The following ENKUR variants were observed in gnomAD, a reference collection of about 807,000 sequenced individuals.
ENKUR encodes the protein enkurin.
Under a neutral mutation model 27.6 loss-of-function variants are expected in ENKUR, and 19 were observed. That is an observed-to-expected ratio of 0.69 (90% CI 0.48 to 1.01). The LOEUF is 1.01. Among genes scored for constraint, ENKUR ranks in the 50% least tolerant of loss-of-function variants. The pLI is 0.00. For missense variants in ENKUR, 312 were observed against 310.5 expected, an observed-to-expected ratio of 1.00 and a Z score of -0.04; for synonymous variants, 117 against 96.9, an observed-to-expected ratio of 1.21 and a Z score of -1.22.
At chr10:25,023,478 T>C in intron 2 of ENKUR, 1 of 1,614,132 alleles carries the variant, frequency 6.2e-7, no homozygotes, top group South Asian at 1.1e-5. Flanking sequence ...GTGTCATAGA[T>C]GTGGATGATG....
At chr10:24,992,833 G>A (rs1284249460) in intron 3 of ENKUR, among the ~76,000 whole-genome samples, 2 of 151,402 alleles carry the variant, frequency 1.3e-5, no homozygotes, top group Admixed American at 6.6e-5. Context: ...AATAGACTCT[G>A]GGAGGCCAGT....
rs1849728016 is a variant in ENKUR, at chr10:24,984,193, C to T, written c.*177G>A. The T allele has an allele frequency of 1.6e-6, 1 of 623,326 alleles. No individual in the cohort carries two copies. Among genetic ancestry groups the T allele is most frequent in the South Asian group, 3.6e-5 (1 of 27,756 alleles). The allele number at this position is 623,326 out of a possible 1,614,324, so 38.6% of individuals were successfully genotyped here. On this transcript the variant is annotated 3_prime_UTR_variant, in exon 6 of 6. Coordinates refer to ENST00000331161, the MANE Select transcript of ENKUR (RefSeq NM_145010.4). Reference sequence around the variant, plus strand: ...TTCATCATATACAGTGTTACGAATACTGAAAATATTTCTCACTGGGAATAA... The same window carrying T: ...TTCATCATATACAGTGTTACGAATATTGAAAATATTTCTCACTGGGAATAA...
At chr10:25,054,594 T>G (rs1246960829) in intron 2 of ENKUR, among the ~76,000 whole-genome samples, 1 of 151,468 alleles carries the variant, frequency 6.6e-6, no homozygotes, top group Non-Finnish European at 1.5e-5. Context: ...CTTCCTTTCT[T>G]TCTTCTTTTT....
upstream of ENKUR, among the ~76,000 whole-genome samples, chr10:25,019,262 C>G (rs1300922509): frequency 6.6e-6 from 1 of 152,134 alleles, no homozygotes; most frequent in Non-Finnish European, 1.5e-5. Flanking sequence ...CTGCTTGAGC[C>G]CAGGAGTTGG....
At chr10:25,027,554 A>G (rs1230222187) in intron 2 of ENKUR, among the ~76,000 whole-genome samples, 2 of 147,634 alleles carry the variant, frequency 1.4e-5, no homozygotes, top group East Asian at 2.1e-4. Flanking sequence ...AAAAAAAAAA[A>G]GCATTATTTT....
At chr10:25,024,727 G>T in intron 2 of ENKUR, 1 of 1,614,198 alleles carries the variant, frequency 6.2e-7, no homozygotes, top group Non-Finnish European at 8.5e-7. Context: ...TGGAAGCCCA[G>T]TCGATGTCTG....
At chr10:25,003,100 CTA>C (rs1412896747) in intron 1 of ENKUR, among the ~76,000 whole-genome samples, 7 of 151,974 alleles carry the variant, frequency 4.6e-5, no homozygotes, top group Non-Finnish European at 1.0e-4. Context: ...AAATTAAAAT[CTA>C]TGTCTCCTCC....
chr10:25,026,385 C>CT (rs1850852605), intron 2 of ENKUR: 3 of 166,940 alleles, frequency 1.8e-5, no homozygotes, highest in South Asian at 4.1e-4. Flanking sequence ...CAGAAATGAT[C>CT]TATTTCAAGA....
intron 2 of ENKUR, among the ~76,000 whole-genome samples, chr10:25,038,229 T>G (rs927913427): frequency 7.9e-5 from 12 of 152,234 alleles, no homozygotes; most frequent in Non-Finnish European, 1.8e-4. Flanking sequence ...TTGACTCTTT[T>G]GGTAATCAAG....
At chr10:25,001,299 C>A (rs1385200165) in intron 1 of ENKUR, among the ~76,000 whole-genome samples, 1 of 149,408 alleles carries the variant, frequency 6.7e-6, no homozygotes, top group Non-Finnish European at 1.5e-5. Flanking sequence ...CTTTTTTTTC[C>A]TCTGGCTGTT....
intron 3 of ENKUR, among the ~76,000 whole-genome samples, 179 bp from the exon 4 acceptor site, chr10:24,990,788 G>A (rs955242338): frequency 6.6e-6 from 1 of 152,140 alleles, no homozygotes; most frequent in Non-Finnish European, 1.5e-5. Context: ...GTAGATTCCT[G>A]CCTTTTAAAA....
upstream of ENKUR, among the ~76,000 whole-genome samples, chr10:25,020,139 T>G (rs187623378): frequency 5.8e-4 from 89 of 152,170 alleles, 1 homozygote; most frequent in Middle Eastern, 6.8e-3. Context: ...TAATATATAT[T>G]ATAGCACTTA....
In ENKUR at chr10:25,054,529, TC is replaced by T. The variant is rs781030244; in HGVS notation, c.37+6582del. 5.7e-3 allele frequency among the ~76,000 whole-genome samples: 828 copies of T among 144,056 alleles called. 7 individuals carry two copies. Among genetic ancestry groups the T allele is most frequent in the African/African-American group, 0.02 (769 of 37,916 alleles). The allele number at this position is 144,056 out of a possible 152,430, so 94.5% of individuals were successfully genotyped here. On this transcript the variant is annotated intron_variant, in intron 2 of 5. Coordinates refer to the ENKUR transcript ENST00000615958. The stretch of plus-strand genomic sequence containing the variant: ...TCTTTCTTTCCTTTCTTTCTTTCTT[TC>T]CTTTCTTTCTTTCTTTCCTTTCTTT...
upstream of ENKUR, among the ~76,000 whole-genome samples, chr10:25,018,148 A>G (rs1029698006): frequency 6.6e-5 from 10 of 152,290 alleles, no homozygotes; most frequent in African/African-American, 2.2e-4. Context: ...TTTGTGCAAG[A>G]CCTCACTGTG....
chr10:25,038,043 G>A (rs1165112653), intron 2 of ENKUR, among the ~76,000 whole-genome samples: 6 of 152,082 alleles, frequency 3.9e-5, no homozygotes, highest in African/African-American at 1.4e-4. Flanking sequence ...AGCCTTAATG[G>A]AACATTTTAA....
At chr10:25,006,004 A>G (rs1850305931) in intron 1 of ENKUR, among the ~76,000 whole-genome samples, 1 of 152,248 alleles carries the variant, frequency 6.6e-6, no homozygotes, top group African/African-American at 2.4e-5. Context: ...GATAAATTGC[A>G]TTAAATAAAC....
chr10:24,996,518 G>A (rs182256684), intron 2 of ENKUR, among the ~76,000 whole-genome samples: 18 of 151,976 alleles, frequency 1.2e-4, no homozygotes, highest in East Asian at 7.7e-4. Context: ...CTTATTGGCC[G>A]TTTTTACACA....
chr10:25,053,172 C>G (rs1851207921), intron 2 of ENKUR, among the ~76,000 whole-genome samples: 1 of 151,430 alleles, frequency 6.6e-6, no homozygotes, highest in African/African-American at 2.4e-5. Context: ...TATTGTAAAC[C>G]GACATTATAA....
chr10:25,054,054 A>G (rs1851217543), intron 2 of ENKUR, among the ~76,000 whole-genome samples: 1 of 152,204 alleles, frequency 6.6e-6, no homozygotes, highest in African/African-American at 2.4e-5. Context: ...TAATTTCTGA[A>G]TATAACTTTT....
Sources: allele counts gnomAD v4.1 joint callset (sites outside exome capture counted in the v4.1 genomes callset), GRCh38; gene constraint gnomAD v4.1.1; transcripts MANE v1.5; gene names NCBI Gene and HGNC (gene_info 2026-07-23, HGNC 2026-07-21).